Variants in ERCC6L2 observed in about 807,000 individuals in gnomAD.
The protein encoded by ERCC6L2 is ERCC excision repair 6 like 2, also known as DNA excision repair protein ERCC-6-like 2.
Under a neutral mutation model 132.0 loss-of-function variants are expected in ERCC6L2, and 77 were observed. The observed-to-expected ratio is 0.58, with a 90% CI of 0.49 to 0.71. ERCC6L2 has a LOEUF of 0.71. Among genes scored for constraint, ERCC6L2 ranks in the 30% least tolerant of loss-of-function variants. The pLI is 0.00. For missense variants in ERCC6L2, 1,542 were observed against 1,837.6 expected, an observed-to-expected ratio of 0.84 and a Z score of 2.94; for synonymous variants, 583 against 632.4, an observed-to-expected ratio of 0.92 and a Z score of 1.17.
At chr9:96,031,135 T>C (rs1484619459) in intron 19 of ERCC6L2, among the ~76,000 whole-genome samples, 1 of 152,194 alleles carries the variant, frequency 6.6e-6, no homozygotes, top group Non-Finnish European at 1.5e-5. Context: ...CGTGCACTGT[T>C]TTCAGTGTTG....
intron 19 of ERCC6L2, among the ~76,000 whole-genome samples, chr9:96,026,635 A>G (rs923722045): frequency 7.0e-6 from 1 of 143,046 alleles, no homozygotes; most frequent in African/African-American, 2.5e-5. Flanking sequence ...TACACACCAC[A>G]CACACAAACA....
chr9:96,038,348 G>T (rs186061434), intron 19 of ERCC6L2, among the ~76,000 whole-genome samples: 1 of 152,302 alleles, frequency 6.6e-6, no homozygotes, highest in Non-Finnish European at 1.5e-5. Flanking sequence ...CTCTTCCCCC[G>T]AAGTATGTGG....
chr9:95,963,516 C>T (rs964164632), intron 13 of ERCC6L2, among the ~76,000 whole-genome samples: 1 of 152,062 alleles, frequency 6.6e-6, no homozygotes, highest in South Asian at 2.1e-4. Context: ...TTCTACAACT[C>T]GCTTTCCCCA....
At chr9:96,038,199 G>T (rs767951694) in intron 19 of ERCC6L2, among the ~76,000 whole-genome samples, 3 of 152,148 alleles carry the variant, frequency 2.0e-5, no homozygotes, top group Admixed American at 6.5e-5. Flanking sequence ...AAAATACCTG[G>T]AGCAAAGTTG....
chr9:95,902,102 A>G (rs1157247858), intron 3 of ERCC6L2, among the ~76,000 whole-genome samples: 2 of 152,174 alleles, frequency 1.3e-5, no homozygotes, highest in East Asian at 3.8e-4. Context: ...TGTGTGTGTG[A>G]TACGATACAT....
chr9:95,920,052 A>G (rs954237581), intron 6 of ERCC6L2, among the ~76,000 whole-genome samples: 5 of 152,254 alleles, frequency 3.3e-5, no homozygotes, highest in Non-Finnish European at 5.9e-5. Context: ...GGACCCTTCT[A>G]TGATATGGGC....
chr9:95,956,028 CT>C lies in ERCC6L2; in HGVS notation c.1947+20del. 4.1e-6 allele frequency: 6 copies of C among 1,476,934 alleles called. No homozygotes were observed. Among genetic ancestry groups the C allele is most frequent in the Non-Finnish European group, 5.6e-6 (6 of 1,078,794 alleles). 91.5% of individuals were successfully genotyped at this position (1,476,934 alleles called of 1,614,324 possible). A position where few individuals can be genotyped will look rare whatever the true frequency, so the allele number is the denominator to read the frequency against. On this transcript the variant is annotated intron_variant, in intron 13 of 18. Transcript: ENST00000653738. The stretch of plus-strand genomic sequence containing the variant: ...TATACAAGCAGGTAAATATGTTTCC[CT>C]TTTTCTGTTTCAGAGGTCAACATTT...
At chr9:95,998,956 G>A (rs1190935800) in intron 17 of ERCC6L2, among the ~76,000 whole-genome samples, 1 of 152,048 alleles carries the variant, frequency 6.6e-6, no homozygotes, top group Non-Finnish European at 1.5e-5. Context: ...TAACTATTTT[G>A]TTTCACAGCC....
chr9:95,907,159 G>A lies in ERCC6L2; in HGVS notation c.676G>A (p.Val226Ile), dbSNP rs1237476261. 2 of 1,613,466 alleles carry A rather than the reference G, an allele frequency of 1.2e-6. No individual in the cohort carries two copies. The highest frequency in any genetic ancestry group is 3.3e-5 in the Admixed American group (2 of 59,912). ...CACCTGGGGATATTTCAGAGTCACTGTTTTACATGGAAACAGAAAAGATAA... is the reference window on the plus strand; with the variant it reads ...CACCTGGGGATATTTCAGAGTCACTATTTTACATGGAAACAGAAAAGATAA... ...LDTWGYFRVT[V>I]LHGNRKDNEL... Residue 226 changes from valine (V) to isoleucine (I), a missense_variant, in exon 4 of 19, where the codon GTT becomes ATT. Val to Ile is a conservative substitution (Grantham distance 29). Coordinates refer to ENST00000653738, the MANE Select transcript of ERCC6L2 (RefSeq NM_020207.7).
At chr9:96,004,116 A>G (rs1468897617) in intron 17 of ERCC6L2, among the ~76,000 whole-genome samples, 2 of 152,246 alleles carry the variant, frequency 1.3e-5, no homozygotes, top group East Asian at 1.9e-4. Context: ...ACATGTCTCC[A>G]TTAATGAAAT....
At chr9:95,934,233 G>C (rs1043664060) in intron 11 of ERCC6L2, among the ~76,000 whole-genome samples, 1 of 152,232 alleles carries the variant, frequency 6.6e-6, no homozygotes, top group Non-Finnish European at 1.5e-5. Flanking sequence ...TTGTCTTACA[G>C]AGTATTAAAT....
chr9:95,953,950 T>A (rs1359076367), intron 12 of ERCC6L2, among the ~76,000 whole-genome samples: 1 of 152,202 alleles, frequency 6.6e-6, no homozygotes, highest in Non-Finnish European at 1.5e-5. Context: ...TTTGGAAGAA[T>A]AAGGACAAAG....
intron 17 of ERCC6L2, among the ~76,000 whole-genome samples, chr9:95,994,213 T>C (rs993810962): frequency 2.0e-5 from 3 of 152,236 alleles, no homozygotes; most frequent in African/African-American, 7.2e-5. Flanking sequence ...CCACCTGTGA[T>C]GACCTTAGAG....
At chr9:95,892,236 G>A (rs1405403699) in intron 2 of ERCC6L2, among the ~76,000 whole-genome samples, 2 of 151,626 alleles carry the variant, frequency 1.3e-5, no homozygotes, top group African/African-American at 4.8e-5. Flanking sequence ...ATAAATTACT[G>A]CATACTATAG....
intron 3 of ERCC6L2, among the ~76,000 whole-genome samples, chr9:95,902,260 G>A (rs1828818593): frequency 6.6e-6 from 1 of 152,030 alleles, no homozygotes; most frequent in Non-Finnish European, 1.5e-5. Flanking sequence ...TTTAGATGTA[G>A]GCTAAGTTTT....
At chr9:95,919,945 AC>A (rs1829781573) in intron 6 of ERCC6L2, among the ~76,000 whole-genome samples, 1 of 152,234 alleles carries the variant, frequency 6.6e-6, no homozygotes, top group African/African-American at 2.4e-5. Context: ...GAGGAACAAG[AC>A]GCAGAAAAAG....
At chr9:95,933,443 C>A (rs1166278507) in intron 11 of ERCC6L2, among the ~76,000 whole-genome samples, 2 of 152,158 alleles carry the variant, frequency 1.3e-5, no homozygotes, top group Admixed American at 6.5e-5. Flanking sequence ...TCAATCAGGA[C>A]ATTTGGGTTT....
rs367785775 is a variant in ERCC6L2, at chr9:95,881,058, C to T, written c.236C>T (p.Pro79Leu). The change falls in exon 2 of 19, where the codon CCT becomes CTT. Residue 79 changes from proline to leucine, a missense_variant. Coordinates refer to ENST00000653738, the MANE Select transcript of ERCC6L2 (RefSeq NM_020207.7). ...LQEVKFVKDC[P>L]RNLIFDDEDL... ...GAAGTGAAATTTGTTAAAGATTGCC[C>T]TAGGAATCTTATATTTGATGATGAA... is the stretch of plus-strand genomic sequence containing the variant. 5.6e-6 allele frequency: 9 copies of T among 1,613,274 alleles called. No individual in the cohort carries two copies. In the African/African-American group the frequency reaches 6.7e-5, roughly 12 times the overall value.
At chr9:95,900,633 A>AT (rs1250634866) in intron 3 of ERCC6L2, among the ~76,000 whole-genome samples, 2 of 151,692 alleles carry the variant, frequency 1.3e-5, no homozygotes, top group Non-Finnish European at 2.9e-5. Flanking sequence ...CAGCCTTGAT[A>AT]TTTTTTTCTT....
Sources: allele counts gnomAD v4.1 joint callset (sites outside exome capture counted in the v4.1 genomes callset), GRCh38; gene constraint gnomAD v4.1.1; transcripts MANE v1.5; gene names NCBI Gene and HGNC (gene_info 2026-07-23, HGNC 2026-07-21).